The following CPNE1 variants were observed in gnomAD, a reference collection of about 807,000 sequenced individuals.
CPNE1 encodes copine 1.
A neutral mutation model predicts 63.2 loss-of-function variants in CPNE1; 58 were observed. That is an observed-to-expected ratio of 0.92 (90% CI 0.74 to 1.14). CPNE1 has a LOEUF of 1.14. Ranked by LOEUF, CPNE1 falls within the 50% of genes most tolerant of loss-of-function variation. The pLI is 0.00. For synonymous variants in CPNE1, 237 were observed against 249.0 expected, an observed-to-expected ratio of 0.95 and a Z score of 0.45; for missense variants, 672 against 661.7, an observed-to-expected ratio of 1.02 and a Z score of -0.17.
chr20:35,655,150 A>T (rs2033821963), intron 1 of CPNE1: 1 of 1,614,084 alleles, frequency 6.2e-7, no homozygotes, highest in Non-Finnish European at 8.5e-7. Flanking sequence ...ACCTGTGCGC[A>T]TCATACCAAG....
At chr20:35,654,063 T>C in intron 1 of CPNE1, 1 of 1,614,206 alleles carries the variant, frequency 6.2e-7, no homozygotes, top group East Asian at 2.2e-5. Flanking sequence ...ATCTTGACCT[T>C]GATCTTTTCT....
rs2032154392 is a variant in CPNE1 at position 35,631,687 on chromosome 20, C to T, written c.627+1G>A. 6.2e-7 allele frequency: 1 copy of T among 1,613,872 alleles called. No individual in the cohort carries two copies. Among genetic ancestry groups the T allele is most frequent in the Non-Finnish European group, 8.5e-7 (1 of 1,179,876 alleles). The stretch of plus-strand genomic sequence containing the variant: ...GTCCACTTAGGGGGCAAGCTCCTCA[C>T]CTGGATGGGTGTGCTGGGGTTCCCA... On this transcript the variant is annotated splice_donor_variant, in intron 7 of 15. Coordinates refer to ENST00000397443, the MANE Select transcript of CPNE1 (RefSeq NM_152925.3). LOFTEE classifies it high-confidence loss of function.
chr20:35,660,242 G>T (rs975015683), intron 1 of CPNE1, among the ~76,000 whole-genome samples: 1 of 151,336 alleles, frequency 6.6e-6, no homozygotes, highest in Admixed American at 6.6e-5. Context: ...TCGCTCTGTC[G>T]CCCAGGCTAG....
chr20:35,652,549 C>G, intron 1 of CPNE1: 1 of 1,611,348 alleles, frequency 6.2e-7, no homozygotes, highest in Non-Finnish European at 8.5e-7. Context: ...TTTTACTTTT[C>G]TTGAACCTAT....
intron 1 of CPNE1, among the ~76,000 whole-genome samples, chr20:35,646,151 T>C (rs1043249604): frequency 2.0e-5 from 3 of 147,420 alleles, no homozygotes; most frequent in Non-Finnish European, 3.0e-5. Flanking sequence ...AAATAGCTAC[T>C]TAGGAGGCTG....
At chr20:35,664,267 G>T (rs1270740159) in intron 1 of CPNE1, 1 of 152,254 alleles carries the variant, frequency 6.6e-6, no homozygotes, top group Admixed American at 6.5e-5. Context: ...CTCCCCACAG[G>T]TGTGACCTGG....
intron 1 of CPNE1, chr20:35,658,850 T>C (rs989287625): frequency 9.2e-5 from 63 of 688,270 alleles, no homozygotes; most frequent in Non-Finnish European, 1.6e-4. Context: ...ATATAGTTGC[T>C]ACATATATTT....
chr20:35,647,138 C>T (rs1411102241), intron 1 of CPNE1, among the ~76,000 whole-genome samples: 1 of 151,792 alleles, frequency 6.6e-6, no homozygotes, highest in African/African-American at 2.4e-5. Flanking sequence ...TGGTGAAACC[C>T]CATCTCTACT....
intron 1 of CPNE1, chr20:35,650,044 T>G (rs573947469): frequency 6.5e-6 from 1 of 152,728 alleles, no homozygotes; most frequent in East Asian, 1.9e-4. Context: ...GAATACATTT[T>G]CAAGAATTTT....
At chr20:35,652,625 C>T (rs1241187751) in intron 1 of CPNE1, 1 of 1,614,186 alleles carries the variant, frequency 6.2e-7, no homozygotes, top group Non-Finnish European at 8.5e-7. Context: ...GCCACCATGG[C>T]TTCACCTGTG....
Position 35,631,541 on chromosome 20 carries a change from T to A in CPNE1, c.665A>T (p.Asp222Val). 1 of 1,613,918 alleles carries A rather than the reference T, an allele frequency of 6.2e-7. No homozygotes were observed. Among genetic ancestry groups the A allele is most frequent in the Non-Finnish European group, 8.5e-7 (1 of 1,179,960 alleles). Residue 222 changes from aspartate to valine, a missense_variant, in exon 8 of 16, where the codon GAT becomes GTT. Transcript: ENST00000397443. ...CSDYDSDGSHDLIGTFHTSLA... is the reference protein window; with the variant it reads ...CSDYDSDGSHVLIGTFHTSLA... ...GCTGGTGTGGAAGGTACCGATGAGATCATGTGACCCGTCACTGTCATAATC... is the reference window on the plus strand; with the variant it reads ...GCTGGTGTGGAAGGTACCGATGAGAACATGTGACCCGTCACTGTCATAATC...
chr20:35,630,787 A>G lies in CPNE1; in HGVS notation c.1004T>C (p.Leu335Pro), dbSNP rs767961253. The change falls in exon 12 of 16, where the codon CTG becomes CCG. Residue 335 changes from leucine (L) to proline (P), a missense_variant. Leu to Pro is a moderately conservative substitution (Grantham distance 98). Coordinates refer to ENST00000397443, the MANE Select transcript of CPNE1 (RefSeq NM_152925.3). The stretch of plus-strand genomic sequence containing the variant: ...GGCCCCAAATCCAAATGCAGGGAAC[A>G]GCTTGTCTCTGTGGGAGGACAGTGT... ...SVVQDYDSDKLFPAFGFGAQV... is the reference protein window; with the variant it reads ...SVVQDYDSDKPFPAFGFGAQV... 2 of 1,613,762 alleles carry G rather than the reference A, an allele frequency of 1.2e-6. No homozygotes were observed. Among genetic ancestry groups the G allele is most frequent in the East Asian group, 4.5e-5 (2 of 44,872 alleles).
chr20:35,659,950 C>T (rs1050861259), intron 1 of CPNE1, among the ~76,000 whole-genome samples: 14 of 152,146 alleles, frequency 9.2e-5, no homozygotes, highest in African/African-American at 3.4e-4. Context: ...AAATGATGCT[C>T]ATCTTAAATT....
In CPNE1 at chr20:35,626,974, G is replaced by A. The variant is rs2146273130; in HGVS notation, c.1237-171C>T. 4.6e-6 allele frequency: 3 copies of A among 654,484 alleles called. No homozygotes were observed. The East Asian group carries it at 8.1e-5, about 18-fold the overall frequency. The allele number at this position is 654,484 out of a possible 1,614,324, so 40.5% of individuals were successfully genotyped here. A position where few individuals can be genotyped will look rare whatever the true frequency, so the allele number is the denominator to read the frequency against. On this transcript the variant is annotated intron_variant, in intron 14 of 15. Coordinates refer to ENST00000397443, the MANE Select transcript of CPNE1 (RefSeq NM_152925.3). ...AGGCTAAGGCAGGCGGATCACTTGA[G>A]GTCAGGAGTTTGTGACCACCCCAGC...
chr20:35,652,505 T>TA, intron 1 of CPNE1: 1 of 1,597,476 alleles, frequency 6.3e-7, no homozygotes, highest in Non-Finnish European at 8.5e-7. Flanking sequence ...ATCTACCCTA[T>TA]AAAAAATGAT....
intron 13 of CPNE1, among the ~76,000 whole-genome samples, chr20:35,628,136 C>T (rs6142422): frequency 0.96 from 145,603 of 151,328 alleles, 70,112 homozygotes; most frequent in East Asian, 1. Flanking sequence ...AAAAAAAAAA[C>T]TAGCCGGGCG....
chr20:35,635,150 A>T (rs1200983222), intron 1 of CPNE1, among the ~76,000 whole-genome samples: 2 of 152,004 alleles, frequency 1.3e-5, no homozygotes, highest in East Asian at 3.8e-4. Flanking sequence ...GTCTTTACTC[A>T]AAATAATCTT....
At chr20:35,660,288 T>C (rs934392558) in intron 1 of CPNE1, among the ~76,000 whole-genome samples, 4 of 152,186 alleles carry the variant, frequency 2.6e-5, no homozygotes, top group African/African-American at 9.7e-5. Context: ...TTAGGCTCAT[T>C]GCAACCTCCG....
At chr20:35,659,047 A>T in intron 1 of CPNE1, 1 of 715,404 alleles carries the variant, frequency 1.4e-6, no homozygotes, top group South Asian at 1.5e-5. Context: ...GCAAAAATCA[A>T]TGCAGGAAAC....
Sources: allele counts gnomAD v4.1 joint callset (sites outside exome capture counted in the v4.1 genomes callset), GRCh38; gene constraint gnomAD v4.1.1; transcripts MANE v1.5; gene names NCBI Gene and HGNC (gene_info 2026-07-23, HGNC 2026-07-21).